Variants in HMCN1 observed in about 807,000 individuals in gnomAD.
HMCN1 encodes hemicentin 1.
A neutral mutation model predicts 625.9 loss-of-function variants in HMCN1; 321 were observed. That is an observed-to-expected ratio of 0.51 (90% CI 0.47 to 0.56). HMCN1 has a LOEUF of 0.56. Among genes scored for constraint, HMCN1 ranks in the 20% least tolerant of loss-of-function variants. HMCN1 has a pLI of 0.00. For synonymous variants in HMCN1, 2,425 were observed against 2,417.6 expected (o/e 1.00, Z -0.09); for missense variants, 6,588 against 6,887.3 (o/e 0.96, Z 1.54).
At chr1:186,123,792 G>A (rs1661513268) in intron 81 of HMCN1, among the ~76,000 whole-genome samples, 1 of 152,048 alleles carries the variant, frequency 6.6e-6, no homozygotes, top group Non-Finnish European at 1.5e-5. Context: ...TAATATCAGT[G>A]GTGGGAAACA....
At position 186,007,358 on chromosome 1, in the gene HMCN1, A is replaced by T. The variant is rs906812365; in HGVS notation, c.4630+76A>T. ...ACAAGCAGGGTTTACTGGTAACTAC[A>T]CTCTTATTTCATACTGAATAATTTG... On this transcript the variant is annotated intron_variant, in intron 30 of 106. Coordinates refer to ENST00000271588, the MANE Select transcript of HMCN1 (RefSeq NM_031935.3). The T allele has an allele frequency of 4.6e-6, 6 of 1,307,150 alleles. No homozygotes were observed. The African/African-American group carries it at 8.7e-5, about 19-fold the overall frequency. 81.0% of individuals were successfully genotyped at this position (1,307,150 alleles called of 1,614,324 possible).
At chr1:185,900,129 G>A (rs555907072) in intron 4 of HMCN1, among the ~76,000 whole-genome samples, 10 of 151,594 alleles carry the variant, frequency 6.6e-5, no homozygotes, top group African/African-American at 2.2e-4. Context: ...ATTACCTTTT[G>A]GTATGCTGAT....
chr1:186,037,453 C>G (rs1655910065), intron 36 of HMCN1, among the ~76,000 whole-genome samples: 1 of 151,906 alleles, frequency 6.6e-6, no homozygotes, highest in Admixed American at 6.6e-5. Context: ...AATTTTATAT[C>G]AAAGGAAAAA....
At chr1:186,111,740 A>G (rs1660898614) in intron 71 of HMCN1, among the ~76,000 whole-genome samples, 1 of 152,258 alleles carries the variant, frequency 6.6e-6, no homozygotes, top group Non-Finnish European at 1.5e-5. Flanking sequence ...TATAGAACTT[A>G]CTATACATAC....
chr1:185,937,519 A>G (rs552347330), intron 11 of HMCN1, among the ~76,000 whole-genome samples: 31 of 152,320 alleles, frequency 2.0e-4, no homozygotes, highest in Non-Finnish European at 3.8e-4. Flanking sequence ...AGTTTTCAGC[A>G]CACAAATTCA....
chr1:185,960,124 C>CTTT (rs1167408279), intron 11 of HMCN1, among the ~76,000 whole-genome samples: 134 of 108,850 alleles, frequency 1.2e-3, no homozygotes, highest in Non-Finnish European at 1.7e-3. Flanking sequence ...CAGGAATATT[C>CTTT]TTTTTTTTTT....
At chr1:185,793,493 C>A (rs1283023914) in intron 1 of HMCN1, among the ~76,000 whole-genome samples, 1 of 152,130 alleles carries the variant, frequency 6.6e-6, no homozygotes, top group African/African-American at 2.4e-5. Flanking sequence ...TCTCAAGATC[C>A]TGAATTTAAT....
intron 1 of HMCN1, among the ~76,000 whole-genome samples, chr1:185,801,743 T>G (rs562822102): frequency 6.6e-6 from 1 of 152,242 alleles, no homozygotes; most frequent in South Asian, 2.1e-4. Flanking sequence ...GGAAAGGTCC[T>G]ATGGAATAAA....
At chr1:185,936,229 CTTCT>C (rs1667808681) in intron 11 of HMCN1, among the ~76,000 whole-genome samples, 1 of 151,902 alleles carries the variant, frequency 6.6e-6, no homozygotes, top group Non-Finnish European at 1.5e-5. Context: ...CAAGAATTTT[CTTCT>C]TTAAGATAGT....
intron 4 of HMCN1, among the ~76,000 whole-genome samples, chr1:185,884,474 AT>A (rs1476274680): frequency 6.6e-6 from 1 of 151,968 alleles, no homozygotes; most frequent in Non-Finnish European, 1.5e-5. Flanking sequence ...TTTTAACTCA[AT>A]TATATTTCCA....
In HMCN1 at chr1:186,093,508, T is replaced by G; in HGVS notation, c.10035T>G (p.Asn3345Lys). The G allele has an allele frequency of 6.2e-7, 1 of 1,613,320 alleles. No individual in the cohort carries two copies. Among genetic ancestry groups the G allele is most frequent in the East Asian group, 2.2e-5 (1 of 44,854 alleles). Residue 3345 changes from asparagine (N) to lysine (K), a missense_variant, in exon 66 of 107, where the codon AAT (asparagine) becomes AAG (lysine). By Grantham distance (94) the Asn-to-Lys change is moderately conservative. Around this residue, in one of 3 missense-constraint regions of HMCN1, gnomAD observed 4,628 missense variants for 4,853.1 expected, o/e 0.95. Coordinates refer to ENST00000271588, the MANE Select transcript of HMCN1 (RefSeq NM_031935.3). ...TAGTTACACCTACAATTAGGGGTAA[T>G]AAAGATGAAGCAGAGAAACTAATGA... ...NVYVTPTIRG[N>K]KDEAEKLMTL...
chr1:185,797,683 T>TAGATTTCTTTTGTGCATTTCTTC (rs1553241679), intron 1 of HMCN1, among the ~76,000 whole-genome samples: 113 of 147,750 alleles, frequency 7.6e-4, no homozygotes, highest in African/African-American at 2.7e-3. Context: ...AAGACTTGTT[T>TAGATTTCTTTTGTGCATTTCTTC]TGGCCGGGCG....
intron 1 of HMCN1, among the ~76,000 whole-genome samples, chr1:185,786,997 T>G (rs1657623006): frequency 2.0e-5 from 3 of 152,240 alleles, no homozygotes; most frequent in Admixed American, 2.0e-4. Context: ...CACCATTTTC[T>G]CTTTATTTTT....
rs1667673434 is a variant in HMCN1 at position 185,933,677 on chromosome 1, A to G, written c.1681A>G (p.Arg561Gly). ...CTGGCAGAGGAATGACAGAGATGTC[A>G]GACTGGCAGAGCCAGCGAGAATTAG... Reference protein sequence around the residue: ...LTWQRNDRDVRLAEPARIRTL... With the variant: ...LTWQRNDRDVGLAEPARIRTL... The change falls in exon 11 of 107, where the codon AGA (arginine) becomes GGA (glycine). Residue 561 changes from arginine (R) to glycine (G), a missense_variant. Transcript: ENST00000271588. 1 of 1,613,994 alleles carries G rather than the reference A, an allele frequency of 6.2e-7. No homozygotes were observed. The highest frequency in any genetic ancestry group is 8.5e-7 in the Non-Finnish European group (1 of 1,179,976).
At chr1:186,000,837 A>C (rs571821800) in intron 26 of HMCN1, among the ~76,000 whole-genome samples, 1 of 152,066 alleles carries the variant, frequency 6.6e-6, no homozygotes, top group African/African-American at 2.4e-5. Context: ...TAGGTTATTA[A>C]CAGTTGTTTT....
intron 4 of HMCN1, among the ~76,000 whole-genome samples, chr1:185,866,485 A>G (rs1663206161): frequency 7.1e-6 from 1 of 141,068 alleles, no homozygotes; most frequent in Admixed American, 7.8e-5. Flanking sequence ...GCTCACTGCG[A>G]GCTCTGCCTC....
chr1:185,944,290 A>G (rs1406773730), intron 11 of HMCN1, among the ~76,000 whole-genome samples: 3 of 152,204 alleles, frequency 2.0e-5, no homozygotes, highest in Admixed American at 1.3e-4. Flanking sequence ...ATACAGAAGG[A>G]TAAGATTGAC....
At chr1:185,853,587 A>T (rs1479659163) in intron 2 of HMCN1, among the ~76,000 whole-genome samples, 2 of 152,126 alleles carry the variant, frequency 1.3e-5, no homozygotes, top group East Asian at 1.9e-4. Flanking sequence ...ACCATCCTAC[A>T]TCCCCAGAGA....
chr1:185,793,633 G>A (rs186847332), intron 1 of HMCN1, among the ~76,000 whole-genome samples: 7 of 152,266 alleles, frequency 4.6e-5, no homozygotes, highest in Admixed American at 1.3e-4. Context: ...TGTCTAAATC[G>A]TTGAATTGTT....
Sources: gnomAD v4.1 joint callset for allele counts (sites outside exome capture counted in the v4.1 genomes callset) on GRCh38, gnomAD v4.1.1 for gene constraint, gnomAD v4.1.1 regional missense constraint, MANE v1.5 for transcripts, NCBI Gene and HGNC (gene_info 2026-07-23, HGNC 2026-07-21) for gene names.